The following ZNF407 variants were observed in gnomAD, a reference collection of about 807,000 sequenced individuals.
ZNF407 encodes the protein zinc finger protein 407.
In ZNF407, 17 loss-of-function variants were observed where a neutral mutation model predicts 131.2. The ratio of observed to expected loss-of-function variants is 0.13; its 90% CI spans 0.09 to 0.19. The LOEUF is 0.19. Among genes scored for constraint, ZNF407 ranks in the 10% least tolerant of loss-of-function variants. ZNF407 has a pLI of 1.00. For missense variants in ZNF407, 2,681 were observed against 2,830.6 expected, an observed-to-expected ratio of 0.95 and a Z score of 1.20; for synonymous variants, 1,156 against 1,062.0, an observed-to-expected ratio of 1.09 and a Z score of -1.72.
chr18:74,753,793 G>A (rs903672320), intron 3 of ZNF407, among the ~76,000 whole-genome samples: 18 of 152,254 alleles, frequency 1.2e-4, no homozygotes, highest in African/African-American at 4.3e-4. Context: ...ATGTTCATCA[G>A]GGATATTGGT....
At chr18:74,825,682 T>C (rs1970400907) in intron 4 of ZNF407, among the ~76,000 whole-genome samples, 1 of 152,066 alleles carries the variant, frequency 6.6e-6, no homozygotes, top group African/African-American at 2.4e-5. Context: ...AGTTGTGTGG[T>C]CTTGGTTTTG....
Position 74,656,594 on chromosome 18 carries a change from C to A in ZNF407, c.4802+15472C>A, listed in dbSNP as rs150926667. Among the ~76,000 whole-genome samples the A allele has an allele frequency of 2.6e-5, 4 of 152,008 alleles. No homozygotes were observed. In the East Asian group the frequency reaches 7.7e-4, roughly 29 times the overall value. ...TAAACCATGGAGATGTATGAGATGC[C>A]CTAGGGAGCACCTGGCCAGGCTAAG... On this transcript the variant is annotated intron_variant, in intron 3 of 8. Coordinates refer to ENST00000299687, the MANE Select transcript of ZNF407 (RefSeq NM_017757.3).
In ZNF407 at chr18:74,623,126, CTGTG is replaced by C. The variant is rs36140737; in HGVS notation, c.-53-7833_-53-7830del. On this transcript the variant is annotated intron_variant, in intron 1 of 8. Coordinates refer to ENST00000299687, the MANE Select transcript of ZNF407 (RefSeq NM_017757.3). ...TGTATCTGAGTGCGTGTCAGTGTGA[CTGTG>C]TGTGTGTCCGTGTGAATGTGTGAGT... Among the ~76,000 whole-genome samples, 277 of 143,116 alleles carry C rather than the reference CTGTG, an allele frequency of 1.9e-3. 2 individuals are homozygous for C. Among genetic ancestry groups the C allele is most frequent in the African/African-American group, 5.4e-3 (211 of 39,020 alleles). The allele number at this position is 143,116 out of a possible 152,430, so 93.9% of individuals were successfully genotyped here.
At chr18:74,908,937 GT>G (rs915569053) in intron 7 of ZNF407, among the ~76,000 whole-genome samples, 25 of 152,006 alleles carry the variant, frequency 1.6e-4, no homozygotes, top group African/African-American at 6.0e-4. Context: ...GTAAATAAAT[GT>G]AATTAACTTC....
Position 74,732,895 on chromosome 18 carries a change from C to G in ZNF407, c.4803-48533C>G, listed in dbSNP as rs563811620. On this transcript the variant is annotated intron_variant, in intron 3 of 8. Transcript: ENST00000299687. ...TATTTAAAGTGTGTAATTTTGAAATCTAATGAGTAATAAAATAGGTTCAAT... is the reference window on the plus strand; with the variant it reads ...TATTTAAAGTGTGTAATTTTGAAATGTAATGAGTAATAAAATAGGTTCAAT... Among the ~76,000 whole-genome samples, 3 of 151,948 alleles carry G rather than the reference C, an allele frequency of 2.0e-5. No homozygotes were observed. The South Asian group carries it at 6.3e-4, about 32-fold the overall frequency.
chr18:74,935,093 T>G (rs1972025008), intron 8 of ZNF407, among the ~76,000 whole-genome samples: 1 of 152,208 alleles, frequency 6.6e-6, no homozygotes, highest in South Asian at 2.1e-4. Context: ...TGTACCCAAT[T>G]CTCTTGATTA....
chr18:75,014,559 G>C (rs1384092284), intron 8 of ZNF407, among the ~76,000 whole-genome samples: 1 of 151,970 alleles, frequency 6.6e-6, no homozygotes, highest in Non-Finnish European at 1.5e-5. Context: ...TCAGATAAGT[G>C]GTTTTTCTAA....
intron 4 of ZNF407, among the ~76,000 whole-genome samples, chr18:74,840,486 T>A (rs1177787837): frequency 1.3e-5 from 2 of 152,170 alleles, no homozygotes; most frequent in Admixed American, 1.3e-4. Context: ...CGTTTATTCT[T>A]CACCACCTCA....
chr18:75,016,852 G>T (rs1973050304), intron 8 of ZNF407, among the ~76,000 whole-genome samples: 1 of 152,068 alleles, frequency 6.6e-6, no homozygotes, highest in South Asian at 2.1e-4. Context: ...CAGAAAAGTT[G>T]AAGCTAGAGA....
At chr18:74,852,559 G>C (rs1329226324) in intron 4 of ZNF407, among the ~76,000 whole-genome samples, 6 of 152,034 alleles carry the variant, frequency 3.9e-5, no homozygotes, top group Non-Finnish European at 7.4e-5. Context: ...AATATTTTGA[G>C]CTCTGTAATT....
intron 3 of ZNF407, among the ~76,000 whole-genome samples, chr18:74,723,663 T>A (rs1035032865): frequency 9.9e-5 from 15 of 152,208 alleles, no homozygotes; most frequent in Non-Finnish European, 1.6e-4. Context: ...ATGTCTGTTG[T>A]GTTGGAGCAG....
intron 4 of ZNF407, among the ~76,000 whole-genome samples, chr18:74,866,365 C>T (rs113208138): frequency 6.6e-6 from 1 of 152,148 alleles, no homozygotes; most frequent in Non-Finnish European, 1.5e-5. Context: ...GCTAATCTTA[C>T]CTTGAGCTCA....
intron 4 of ZNF407, among the ~76,000 whole-genome samples, chr18:74,866,540 A>C (rs979960717): frequency 6.6e-6 from 1 of 152,154 alleles, no homozygotes; most frequent in Admixed American, 6.5e-5. Flanking sequence ...TATGTACTCA[A>C]ATTTCTTGAA....
intron 3 of ZNF407, among the ~76,000 whole-genome samples, chr18:74,693,662 C>A (rs148921325): frequency 7.2e-5 from 11 of 152,168 alleles, no homozygotes; most frequent in Non-Finnish European, 7.4e-5. Flanking sequence ...TTTTTAGTTG[C>A]TTTTCAGCAA....
intron 1 of ZNF407, among the ~76,000 whole-genome samples, chr18:74,621,280 T>C (rs1983498769): frequency 1.3e-5 from 2 of 152,132 alleles, no homozygotes; most frequent in South Asian, 4.1e-4. Context: ...TACCTATTGC[T>C]ACATAACAAA....
chr18:74,646,200 G>C (rs1260698611), intron 3 of ZNF407, among the ~76,000 whole-genome samples: 1 of 152,128 alleles, frequency 6.6e-6, no homozygotes. Context: ...AACTAAAGCT[G>C]TGTATACCTA....
chr18:74,970,983 C>T (rs1464798572), intron 8 of ZNF407, among the ~76,000 whole-genome samples: 1 of 152,246 alleles, frequency 6.6e-6, no homozygotes, highest in African/African-American at 2.4e-5. Flanking sequence ...CAGTTCTTGA[C>T]TTCTGTGCAC....
rs768863994 is a variant in ZNF407 at position 74,632,920 on chromosome 18, A to G, written c.1901A>G (p.Lys634Arg). The change falls in exon 2 of 9, where the codon AAA (lysine) becomes AGA (arginine). Residue 634 changes from lysine to arginine, a missense_variant. This residue lies in a region of ZNF407 where 1,789 missense variants were observed against 1,748.7 expected (regional missense o/e 1.02). Coordinates refer to ENST00000299687, the MANE Select transcript of ZNF407 (RefSeq NM_017757.3). ...TCTGAAAAAGATGTGGAAGAACACAAAGCCACCGAGAAGCATATTAATTCA... is the reference window on the plus strand; with the variant it reads ...TCTGAAAAAGATGTGGAAGAACACAGAGCCACCGAGAAGCATATTAATTCA... The part of the protein sequence containing the change: ...FLSEKDVEEH[K>R]ATEKHINSLV... The G allele has an allele frequency of 5.0e-6, 8 of 1,612,176 alleles. No homozygotes were observed. The Admixed American group carries it at 6.7e-5, about 13-fold the overall frequency.
chr18:74,604,764 T>C (rs1982728020), intron 1 of ZNF407, among the ~76,000 whole-genome samples: 4 of 152,226 alleles, frequency 2.6e-5, no homozygotes, highest in Admixed American at 2.0e-4. Flanking sequence ...GATGCCTCTG[T>C]ACATACATCA....
Sources: allele counts gnomAD v4.1 joint callset (sites outside exome capture counted in the v4.1 genomes callset), GRCh38; gene constraint gnomAD v4.1.1; regional missense constraint gnomAD v4.1.1; transcripts MANE v1.5; gene names NCBI Gene and HGNC (gene_info 2026-07-23, HGNC 2026-07-21).